The following NOX4 variants were observed in gnomAD, a reference collection of about 807,000 sequenced individuals.
NOX4 encodes NADPH oxidase 4.
A neutral mutation model predicts 87.6 loss-of-function variants in NOX4; 69 were observed. The ratio of observed to expected loss-of-function variants is 0.79; its 90% confidence interval spans 0.65 to 0.96. NOX4 has a LOEUF of 0.96. Among genes scored for constraint, NOX4 ranks in the 40% least tolerant of loss-of-function variants. The pLI is 0.00. For missense variants in NOX4, 680 were observed against 681.5 expected (o/e 1.00, Z 0.02); for synonymous variants, 275 against 238.2 (o/e 1.15, Z -1.42).
chr11:89,460,946 G>A (rs993936443), intron 2 of NOX4, among the ~76,000 whole-genome samples: 1 of 152,126 alleles, frequency 6.6e-6, no homozygotes, highest in African/African-American at 2.4e-5. Context: ...AAGAAAATGT[G>A]GCACATATAC....
chr11:89,334,153 A>C (rs767699686), intron 17 of NOX4, among the ~76,000 whole-genome samples: 1 of 151,702 alleles, frequency 6.6e-6, no homozygotes, highest in African/African-American at 2.4e-5. Flanking sequence ...ATCAACAAAA[A>C]AATTCTTGTC....
At chr11:89,404,987 T>A (rs1192391940) in intron 8 of NOX4, among the ~76,000 whole-genome samples, 1 of 151,984 alleles carries the variant, frequency 6.6e-6, no homozygotes, top group Non-Finnish European at 1.5e-5. Context: ...GAAACCTACC[T>A]AGCTCACTCT....
intron 15 of NOX4, among the ~76,000 whole-genome samples, chr11:89,338,810 T>C (rs562279202): frequency 1.3e-5 from 2 of 152,304 alleles, no homozygotes; most frequent in Non-Finnish European, 2.9e-5. Context: ...AATGGCATTA[T>C]AGCATTTTGT....
At chr11:89,584,471 G>A in the NOX4 span, among the ~76,000 whole-genome samples, 3 of 152,138 alleles carry the variant, frequency 2.0e-5, no homozygotes, top group African/African-American at 4.8e-5. Context: ...CTATTAAAAT[G>A]TAGTAACAGA....
chr11:89,484,429 AAATT>A (rs1946506384), intron 2 of NOX4, among the ~76,000 whole-genome samples: 1 of 152,142 alleles, frequency 6.6e-6, no homozygotes, highest in South Asian at 2.1e-4. Context: ...CTAGCTTCTT[AAATT>A]GCTAGACATT....
At chr11:89,443,034 G>T (rs1344577466) in intron 5 of NOX4, among the ~76,000 whole-genome samples, 1 of 152,108 alleles carries the variant, frequency 6.6e-6, no homozygotes, top group Non-Finnish European at 1.5e-5. Flanking sequence ...TCACTGGCCT[G>T]CTAAGGAGCG....
chr11:89,588,006 T>A, the NOX4 span, among the ~76,000 whole-genome samples: 1 of 152,208 alleles, frequency 6.6e-6, no homozygotes, highest in Non-Finnish European at 1.5e-5. Flanking sequence ...TTATTATTTC[T>A]TATAATCTAT....
In NOX4 at chr11:89,400,516, G is replaced by C. The variant is rs1973500; in HGVS notation, c.847-137C>G. On this transcript the variant is annotated intron_variant, in intron 9 of 17. Coordinates refer to ENST00000263317, the MANE Select transcript of NOX4 (RefSeq NM_016931.5). The stretch of plus-strand genomic sequence containing the variant: ...TTAAATAAGAAAACATAACAAATGA[G>C]TAAAAAATAATAGATGCTCACTATC... 1.3e-5 allele frequency: 7 copies of C among 552,826 alleles called. No individual in the cohort carries two copies. The South Asian group carries it at 2.3e-4, about 18-fold the overall frequency. The allele number at this position is 552,826 out of a possible 1,614,324, so 34.2% of individuals were successfully genotyped here.
At chr11:89,492,884 G>A (rs1946894239), upstream of NOX4, among the ~76,000 whole-genome samples, 4 of 152,112 alleles carry the variant, frequency 2.6e-5, no homozygotes, top group Admixed American at 6.6e-5. Context: ...AACAATTCAA[G>A]AATAGTAAAA....
At chr11:89,412,378 C>A (rs1284670646) in intron 8 of NOX4, among the ~76,000 whole-genome samples, 3 of 152,102 alleles carry the variant, frequency 2.0e-5, no homozygotes, top group Admixed American at 6.5e-5. Context: ...TTCTTCTCCT[C>A]AGCACATGGG....
At chr11:89,499,455 G>A (rs954594145), upstream of NOX4, among the ~76,000 whole-genome samples, 7 of 152,082 alleles carry the variant, frequency 4.6e-5, no homozygotes, top group Admixed American at 4.6e-4. Context: ...AAGGTTTTAG[G>A]TTAGAACTTG....
At chr11:89,328,686 G>A (rs772906222) in intron 17 of NOX4, among the ~76,000 whole-genome samples, 1 of 152,108 alleles carries the variant, frequency 6.6e-6, no homozygotes, top group Non-Finnish European at 1.5e-5. Context: ...CCCATCCAAA[G>A]CCCGTAGGTT....
At chr11:89,423,525 C>A (rs140944058) in intron 7 of NOX4, among the ~76,000 whole-genome samples, 1 of 151,864 alleles carries the variant, frequency 6.6e-6, no homozygotes, top group South Asian at 2.1e-4. Flanking sequence ...TGACTTTGTC[C>A]CTTGGTTCAA....
the NOX4 span, among the ~76,000 whole-genome samples, chr11:89,581,237 G>A: frequency 1.3e-5 from 2 of 152,110 alleles, no homozygotes; most frequent in Non-Finnish European, 2.9e-5. Flanking sequence ...ATATTAAAAC[G>A]ATTAAGAGTT....
chr11:89,422,838 C>T (rs1028151003), intron 7 of NOX4, among the ~76,000 whole-genome samples: 6 of 132,558 alleles, frequency 4.5e-5, no homozygotes, highest in Admixed American at 8.7e-5. Context: ...CTTGCTCTGT[C>T]GCCTAGGCTG....
intron 6 of NOX4, among the ~76,000 whole-genome samples, chr11:89,433,363 T>G (rs1334104648): frequency 2.6e-5 from 4 of 152,096 alleles, no homozygotes; most frequent in African/African-American, 9.7e-5. Flanking sequence ...CCAAATATTC[T>G]ACTCAGAATG....
upstream of NOX4, among the ~76,000 whole-genome samples, chr11:89,501,044 T>C (rs1947011178): frequency 6.6e-6 from 1 of 152,048 alleles, no homozygotes; most frequent in East Asian, 1.9e-4. Flanking sequence ...CTTGGAAATA[T>C]ACTGCATTAT....
intron 11 of NOX4, among the ~76,000 whole-genome samples, chr11:89,394,324 TTTTG>T (rs201268816): frequency 0.02 from 2,929 of 148,390 alleles, 79 homozygotes; most frequent in East Asian, 0.13. Flanking sequence ...TTCTCTCTAC[TTTTG>T]TTTATGTTGA....
the NOX4 span, among the ~76,000 whole-genome samples, chr11:89,536,147 T>TC: frequency 7.9e-5 from 11 of 139,300 alleles, no homozygotes; most frequent in Non-Finnish European, 1.5e-4. Flanking sequence ...TCTTTTTTTT[T>TC]TTTTTTTTTT....
Sources: gnomAD v4.1 joint callset for allele counts (sites outside exome capture counted in the v4.1 genomes callset) on GRCh38, gnomAD v4.1.1 for gene constraint, MANE v1.5 for transcripts, NCBI Gene and HGNC (gene_info 2026-07-23, HGNC 2026-07-21) for gene names.